CLEC16A: variants seen among roughly 807,000 people sequenced by gnomAD.
CLEC16A encodes protein CLEC16A.
A neutral mutation model predicts 109.5 loss-of-function variants in CLEC16A; 51 were observed. That is an observed-to-expected ratio of 0.47 (90% CI 0.37 to 0.59). The LOEUF is 0.59. Among genes scored for constraint, CLEC16A ranks in the 20% least tolerant of loss-of-function variants. The probability of loss-of-function intolerance (pLI) is 0.00; values close to 1 mark genes in which losing one functional copy is unlikely to be tolerated. For missense variants in CLEC16A, 1,339 were observed against 1,394.0 expected, an observed-to-expected ratio of 0.96 and a Z score of 0.63; for synonymous variants, 673 against 564.2, an observed-to-expected ratio of 1.19 and a Z score of -2.73.
chr16:11,097,551 G>C (rs1002433693), intron 19 of CLEC16A, among the ~76,000 whole-genome samples: 6 of 152,028 alleles, frequency 3.9e-5, no homozygotes, highest in African/African-American at 1.4e-4. Context: ...AAGGAGCACC[G>C]ACACAGAACT....
intron 13 of CLEC16A, among the ~76,000 whole-genome samples, chr16:11,035,401 C>G (rs1480744047): frequency 6.6e-6 from 1 of 152,176 alleles, no homozygotes; most frequent in East Asian, 1.9e-4. Flanking sequence ...AATGTATGGA[C>G]TGTTGTGTTT....
intron 11 of CLEC16A, among the ~76,000 whole-genome samples, chr16:11,016,052 C>T (rs1230535654): frequency 1.3e-5 from 2 of 152,170 alleles, no homozygotes; most frequent in African/African-American, 4.8e-5. Context: ...GCATACATCT[C>T]CCAAATATGT....
chr16:11,058,641 T>A (rs1002186734), intron 18 of CLEC16A, among the ~76,000 whole-genome samples: 1 of 152,176 alleles, frequency 6.6e-6, no homozygotes, highest in African/African-American at 2.4e-5. Context: ...TGATGATGAT[T>A]GTTATTATCC....
At chr16:11,105,379 T>A (rs1244488405) in intron 19 of CLEC16A, among the ~76,000 whole-genome samples, 1 of 152,206 alleles carries the variant, frequency 6.6e-6, no homozygotes, top group Non-Finnish European at 1.5e-5. Context: ...TGCAAGTTGC[T>A]CATCCTTAAG....
At chr16:11,115,094 C>T (rs993117884) in intron 19 of CLEC16A, among the ~76,000 whole-genome samples, 3 of 152,206 alleles carry the variant, frequency 2.0e-5, no homozygotes, top group African/African-American at 7.2e-5. Context: ...CTCAGGCAGC[C>T]AGGCTCTATG....
chr16:11,103,060 C>G (rs542359446), intron 19 of CLEC16A, among the ~76,000 whole-genome samples: 3 of 152,276 alleles, frequency 2.0e-5, no homozygotes, highest in East Asian at 3.9e-4. Flanking sequence ...GAGGGAGGGC[C>G]TGAGAGATGG....
At chr16:11,108,103 C>T (rs2051334955) in intron 19 of CLEC16A, among the ~76,000 whole-genome samples, 1 of 152,240 alleles carries the variant, frequency 6.6e-6, no homozygotes, top group Admixed American at 6.5e-5. Context: ...GCTGATTCCC[C>T]AAGTGTCCAG....
intron 22 of CLEC16A, among the ~76,000 whole-genome samples, chr16:11,141,306 A>C (rs1367196744): frequency 1.3e-5 from 2 of 152,326 alleles, no homozygotes; most frequent in African/African-American, 4.8e-5. Flanking sequence ...TCTTCCAGCC[A>C]GTGCACACCA....
rs749608602 is a variant in CLEC16A, at chr16:11,178,849, C to T, written c.*159C>T. 1.7e-6 allele frequency: 1 copy of T among 573,574 alleles called. No individual in the cohort carries two copies. Among genetic ancestry groups the T allele is most frequent in the Non-Finnish European group, 3.0e-6 (1 of 333,528 alleles). The allele number at this position is 573,574 out of a possible 1,614,324, so 35.5% of individuals were successfully genotyped here. On this transcript the variant is annotated 3_prime_UTR_variant, in exon 24 of 24. Coordinates refer to ENST00000409790, the MANE Select transcript of CLEC16A (RefSeq NM_015226.3). The surrounding 1 kb of genome is among the most constrained non-coding windows in gnomAD (Gnocchi z 6.5). Reference sequence around the variant, plus strand: ...CGCTCCCTTGAATGGGAAGAAGCCCCACGTTGTCCTTGAATTCCTTTTTCA... The same window carrying T: ...CGCTCCCTTGAATGGGAAGAAGCCCTACGTTGTCCTTGAATTCCTTTTTCA...
chr16:11,169,140 C>T (rs1410585857), intron 23 of CLEC16A, among the ~76,000 whole-genome samples: 2 of 152,208 alleles, frequency 1.3e-5, no homozygotes, highest in African/African-American at 4.8e-5. Context: ...TTTGAGGGTA[C>T]AGTGCTAAGT....
At chr16:11,117,980 TTTC>T (rs2052126933) in intron 19 of CLEC16A, among the ~76,000 whole-genome samples, 1 of 150,710 alleles carries the variant, frequency 6.6e-6, no homozygotes, top group African/African-American at 2.4e-5. Flanking sequence ...TTTCTTTTCT[TTTC>T]TTTTTTTTTA....
At chr16:11,025,527 C>G (rs914023190) in intron 13 of CLEC16A, among the ~76,000 whole-genome samples, 1 of 152,168 alleles carries the variant, frequency 6.6e-6, no homozygotes. Context: ...TTTGCCCCAC[C>G]TGGCTTGACA....
intron 10 of CLEC16A, among the ~76,000 whole-genome samples, chr16:10,985,107 G>A (rs969076016): frequency 5.2e-4 from 78 of 151,230 alleles, no homozygotes; most frequent in African/African-American, 1.6e-3. Context: ...GGAGGCTGAG[G>A]CAGGAGAATG....
At chr16:11,082,078 C>G (rs1389493440) in intron 19 of CLEC16A, among the ~76,000 whole-genome samples, 1 of 152,164 alleles carries the variant, frequency 6.6e-6, no homozygotes, top group Non-Finnish European at 1.5e-5. Flanking sequence ...CATTCTGATT[C>G]AGGCCTCAAG....
At chr16:11,021,812 GC>G (rs2046117348) in intron 12 of CLEC16A, among the ~76,000 whole-genome samples, 1 of 152,058 alleles carries the variant, frequency 6.6e-6, no homozygotes, top group Non-Finnish European at 1.5e-5. Context: ...ATCTGCTGCT[GC>G]TTTTAGGTGA....
At chr16:11,125,214 C>T (rs1328732333) in intron 21 of CLEC16A, among the ~76,000 whole-genome samples, 1 of 152,176 alleles carries the variant, frequency 6.6e-6, no homozygotes, top group Non-Finnish European at 1.5e-5. Flanking sequence ...GAAACTTGGC[C>T]TACAAAATCA....
At chr16:11,059,524 G>A in intron 18 of CLEC16A, among the ~76,000 whole-genome samples, 1 of 152,204 alleles carries the variant, frequency 6.6e-6, no homozygotes, top group East Asian at 1.9e-4. Context: ...GCTCCTCATT[G>A]CCTGGGGTAT....
rs62023563 is a variant in CLEC16A, at chr16:11,179,602, C to T, written c.*912C>T. ...AAAACCAAACAGAGACAGCTTCCAG[C>T]ACCTTCTTCAGTGTTACCATCTCTA... On this transcript the variant is annotated 3_prime_UTR_variant, in exon 24 of 24. Transcript: ENST00000409790. 19,781 of 152,202 alleles carry T rather than the reference C, an allele frequency of 0.13. 1,350 individuals carry two copies. The highest frequency in any genetic ancestry group is 0.23 in the South Asian group (1,108 of 4,820). The allele number at this position is 152,202 out of a possible 1,614,324, so 9.4% of individuals were successfully genotyped here.
At chr16:11,059,191 G>A (rs973294342) in intron 18 of CLEC16A, among the ~76,000 whole-genome samples, 4 of 152,114 alleles carry the variant, frequency 2.6e-5, no homozygotes, top group African/African-American at 4.8e-5. Flanking sequence ...CTGCCACCCC[G>A]TAAGTGCTTA....
Sources: allele counts gnomAD v4.1 joint callset (sites outside exome capture counted in the v4.1 genomes callset), GRCh38; gene constraint gnomAD v4.1.1; non-coding constraint Gnocchi (gnomAD v3.1); transcripts MANE v1.5; gene names NCBI Gene and HGNC (gene_info 2026-07-23, HGNC 2026-07-21).